HIBADH: variants seen among roughly 807,000 people sequenced by gnomAD.
HIBADH encodes the protein 3-hydroxyisobutyrate dehydrogenase, mitochondrial.
In HIBADH, 25 loss-of-function variants were observed where a neutral mutation model predicts 36.1. That is an observed-to-expected ratio of 0.69 (90% CI 0.50 to 0.97). The LOEUF (loss-of-function observed/expected upper bound fraction) is 0.97, where lower values mean the gene tolerates loss of function less well. Ranked by LOEUF, HIBADH falls within the 50% of genes least tolerant of loss-of-function variation. The pLI, the probability that HIBADH is intolerant of heterozygous loss-of-function variation, is 0.00. For missense variants in HIBADH, 421 were observed against 418.0 expected (o/e 1.01, Z -0.06); for synonymous variants, 160 against 149.5 (o/e 1.07, Z -0.51).
At chr7:27,552,925 C>G (rs1478488857) in intron 4 of HIBADH, among the ~76,000 whole-genome samples, 1 of 152,046 alleles carries the variant, frequency 6.6e-6, no homozygotes, top group East Asian at 1.9e-4. Flanking sequence ...ACAAAGTGAA[C>G]AAAATTCAAA....
chr7:27,631,729 G>A (rs74702765), intron 3 of HIBADH, among the ~76,000 whole-genome samples: 11,809 of 152,168 alleles, frequency 0.078, 714 homozygotes, highest in African/African-American at 0.17. Context: ...TTTATGCTAA[G>A]TTTGTGGGAG....
At chr7:27,547,564 C>G (rs1357760) in intron 4 of HIBADH, among the ~76,000 whole-genome samples, 65,196 of 151,908 alleles carry the variant, frequency 0.43, 14,846 homozygotes, top group East Asian at 0.94. Flanking sequence ...CTCAAGGAAA[C>G]AGACAACGAC....
chr7:27,623,927 A>G (rs1785591337), intron 4 of HIBADH, among the ~76,000 whole-genome samples: 3 of 152,156 alleles, frequency 2.0e-5, no homozygotes, highest in Admixed American at 6.5e-5. Flanking sequence ...CCTACCAAGT[A>G]GCTGGGACAA....
At chr7:27,572,964 G>A (rs1784650308) in intron 4 of HIBADH, among the ~76,000 whole-genome samples, 1 of 151,974 alleles carries the variant, frequency 6.6e-6, no homozygotes, top group African/African-American at 2.4e-5. Flanking sequence ...CAACAGAAGA[G>A]TAAAAGAAGC....
intron 4 of HIBADH, among the ~76,000 whole-genome samples, chr7:27,606,560 T>A (rs771473969): frequency 6.6e-6 from 1 of 152,252 alleles, no homozygotes; most frequent in Non-Finnish European, 1.5e-5. Context: ...AGTCAAGAGC[T>A]GGAGAATTCC....
chr7:27,609,200 G>A (rs1785282689), intron 4 of HIBADH, among the ~76,000 whole-genome samples: 1 of 152,160 alleles, frequency 6.6e-6, no homozygotes, highest in African/African-American at 2.4e-5. Flanking sequence ...AATTTTCTTA[G>A]GCGACAAACT....
chr7:27,546,755 G>C (rs1238615687), intron 4 of HIBADH, among the ~76,000 whole-genome samples: 1 of 152,130 alleles, frequency 6.6e-6, no homozygotes, highest in African/African-American at 2.4e-5. Flanking sequence ...CTAAGAATCA[G>C]GCCCTGTGGT....
chr7:27,542,721 G>A (rs548592206), intron 5 of HIBADH, among the ~76,000 whole-genome samples: 8 of 152,010 alleles, frequency 5.3e-5, no homozygotes, highest in African/African-American at 1.9e-4. Context: ...CAAAGTGTTG[G>A]GATTACAGGC....
At chr7:27,637,041 G>C (rs73284483) in intron 2 of HIBADH, among the ~76,000 whole-genome samples, 2 of 152,154 alleles carry the variant, frequency 1.3e-5, no homozygotes, top group East Asian at 3.8e-4. Context: ...CTGAGACAGT[G>C]GTGTTTGGGG....
intron 4 of HIBADH, among the ~76,000 whole-genome samples, chr7:27,605,193 T>C (rs1318125050): frequency 6.6e-6 from 1 of 152,136 alleles, no homozygotes; most frequent in Admixed American, 6.6e-5. Flanking sequence ...AATCACACTT[T>C]TATAAAATTT....
At chr7:27,644,320 C>T (rs749869298) in intron 2 of HIBADH, among the ~76,000 whole-genome samples, 3 of 151,998 alleles carry the variant, frequency 2.0e-5, no homozygotes, top group Non-Finnish European at 4.4e-5. Flanking sequence ...AAAAAATTGG[C>T]CGGGCACGGT....
Position 27,539,898 on chromosome 7 carries a change from T to C in HIBADH, c.619-1481A>G, listed in dbSNP as rs565791126. On this transcript the variant is annotated intron_variant, in intron 5 of 7. Coordinates refer to ENST00000265395, the MANE Select transcript of HIBADH (RefSeq NM_152740.4). The stretch of plus-strand genomic sequence containing the variant: ...GGGAATCATTAAGGAAGATAAAATA[T>C]ATTTATTATTCATTAAGTGGAAGTG... 2.7e-3 allele frequency among the ~76,000 whole-genome samples: 417 copies of C among 152,160 alleles called. 3 individuals are homozygous for C. The highest frequency in any genetic ancestry group is 4.4e-3 in the Non-Finnish European group (302 of 68,010).
chr7:27,588,964 T>C (rs1340177587), intron 4 of HIBADH, among the ~76,000 whole-genome samples: 2 of 152,188 alleles, frequency 1.3e-5, no homozygotes, highest in African/African-American at 4.8e-5. Context: ...CACAGTTTTT[T>C]TAAATTATAC....
chr7:27,631,947 T>C (rs1344710347), intron 3 of HIBADH, among the ~76,000 whole-genome samples: 1 of 152,234 alleles, frequency 6.6e-6, no homozygotes, highest in African/African-American at 2.4e-5. Context: ...TGTTAAACGA[T>C]GGTGTTCTTT....
chr7:27,558,308 T>C (rs1364854993), intron 4 of HIBADH, among the ~76,000 whole-genome samples: 2 of 152,198 alleles, frequency 1.3e-5, no homozygotes, highest in Middle Eastern at 3.2e-3. Context: ...TCTAGTTTAT[T>C]GAGTTTTAGA....
At position 27,629,423 on chromosome 7, in the gene HIBADH, G is replaced by A. The variant is rs762044809; in HGVS notation, c.432C>T (p.Ala144=). The A allele has an allele frequency of 6.2e-7, 1 of 1,611,718 alleles. No individual in the cohort carries two copies. Among genetic ancestry groups the A allele is most frequent in the Admixed American group, 1.7e-5 (1 of 59,856 alleles). ...TIDPAVSKEL[A]KEVEKMGAVF... Reference sequence around the variant, plus strand: ...CTGCTCCCATTTTCTCAACTTCTTTGGCCAATTCTTTTGAAACTGCAGGAT... The same window carrying A: ...CTGCTCCCATTTTCTCAACTTCTTTAGCCAATTCTTTTGAAACTGCAGGAT... The change falls in exon 4 of 8, where the codon GCC becomes GCT. Residue 144 remains alanine (A), a synonymous_variant. Transcript: ENST00000265395.
At chr7:27,644,150 C>A (rs548078180) in intron 2 of HIBADH, among the ~76,000 whole-genome samples, 1 of 152,240 alleles carries the variant, frequency 6.6e-6, no homozygotes, top group East Asian at 1.9e-4. Flanking sequence ...ACCATGATGA[C>A]AATCAATTTT....
At chr7:27,547,739 C>T (rs551943040) in intron 4 of HIBADH, among the ~76,000 whole-genome samples, 121 of 152,140 alleles carry the variant, frequency 8.0e-4, no homozygotes, top group Middle Eastern at 6.8e-3. Context: ...TCCTTTTAAG[C>T]TTTTGAAATT....
chr7:27,644,998 C>G (rs1786036474), intron 2 of HIBADH, among the ~76,000 whole-genome samples: 1 of 152,082 alleles, frequency 6.6e-6, no homozygotes, highest in Admixed American at 6.5e-5. Context: ...TACTTCATTT[C>G]TTTTTATTAC....
Sources: allele counts gnomAD v4.1 joint callset (sites outside exome capture counted in the v4.1 genomes callset), GRCh38; gene constraint gnomAD v4.1.1; transcripts MANE v1.5; gene names NCBI Gene and HGNC (gene_info 2026-07-23, HGNC 2026-07-21).